Variants in PCDHA3 observed in about 807,000 individuals in gnomAD.
PCDHA3 encodes the protein protocadherin alpha 3.
PCDHA3 carries 41 observed loss-of-function variants against 62.2 expected under a neutral mutation model. The observed-to-expected ratio is 0.66, with a 90% CI of 0.51 to 0.86. The LOEUF is 0.86. PCDHA3 is among the 40% of genes least tolerant of loss of function. The probability of loss-of-function intolerance (pLI) is 0.00; values close to 1 mark genes in which losing one functional copy is unlikely to be tolerated. For synonymous variants in PCDHA3, 640 were observed against 555.4 expected (o/e 1.15, Z -2.14); for missense variants, 1,304 against 1,241.2 (o/e 1.05, Z -0.76).
At position 140,824,323 on chromosome 5, in the gene PCDHA3, T is replaced by C. The variant is rs2150134104; in HGVS notation, c.2394+20732T>C. The C allele has an allele frequency of 4.3e-6, 3 of 698,316 alleles. No homozygotes were observed. In the African/African-American group the frequency reaches 5.4e-5, roughly 12 times the overall value. The allele number at this position is 698,316 out of a possible 1,614,324, so 43.3% of individuals were successfully genotyped here. Reference sequence around the variant, plus strand: ...TGGGGTAATAGATTCATCAGCTTTCTGTGATATTAAGTGTTTTTAAAATAA... The same window carrying C: ...TGGGGTAATAGATTCATCAGCTTTCCGTGATATTAAGTGTTTTTAAAATAA... On this transcript the variant is annotated intron_variant, in intron 1 of 3. Transcript: ENST00000522353.
At chr5:140,869,392 G>A in intron 1 of PCDHA3, 1 of 1,614,164 alleles carries the variant, frequency 6.2e-7, no homozygotes, top group Non-Finnish European at 8.5e-7. Context: ...GGAGCTGTGC[G>A]GGCAGAGCGC....
chr5:140,820,704 A>T (rs2150107710), intron 1 of PCDHA3, among the ~76,000 whole-genome samples: 1 of 152,108 alleles, frequency 6.6e-6, no homozygotes, highest in African/African-American at 2.4e-5. Context: ...TCTTTTCAAC[A>T]TGATTATATT....
intron 1 of PCDHA3, chr5:140,883,600 G>A (rs2059695358): frequency 6.2e-7 from 1 of 1,613,890 alleles, no homozygotes; most frequent in Non-Finnish European, 8.5e-7. Flanking sequence ...TGTCGGTGGG[G>A]GTGGCCGACG....
chr5:140,836,843 ATAAT>A, intron 1 of PCDHA3: 1 of 826,772 alleles, frequency 1.2e-6, no homozygotes, highest in Non-Finnish European at 1.8e-6. Context: ...AGCTTTATGT[ATAAT>A]TATTATTTTT....
chr5:140,909,620 A>C (rs576090849), intron 1 of PCDHA3, among the ~76,000 whole-genome samples: 1 of 152,122 alleles, frequency 6.6e-6, no homozygotes. Flanking sequence ...GGCAGCTCTA[A>C]TTGGTCTTCC....
intron 1 of PCDHA3, chr5:140,857,181 C>CAGG (rs782645351): frequency 1.3e-6 from 2 of 1,598,372 alleles, no homozygotes; most frequent in African/African-American, 2.7e-5. Context: ...GACCATGATT[C>CAGG]AGGAGCCAAC....
intron 1 of PCDHA3, among the ~76,000 whole-genome samples, chr5:140,917,793 G>A (rs1405580492): frequency 6.6e-6 from 1 of 152,082 alleles, no homozygotes; most frequent in African/African-American, 2.4e-5. Flanking sequence ...TTTGGTTACT[G>A]TAGCCTTGCA....
chr5:140,951,840 C>T (rs555935634), intron 1 of PCDHA3, among the ~76,000 whole-genome samples: 2 of 152,190 alleles, frequency 1.3e-5, no homozygotes, highest in African/African-American at 4.8e-5. Flanking sequence ...AGCATTAAGC[C>T]AAAAGTCCAA....
chr5:140,965,168 T>C (rs1484687706), intron 1 of PCDHA3, among the ~76,000 whole-genome samples: 1 of 152,180 alleles, frequency 6.6e-6, no homozygotes, highest in Non-Finnish European at 1.5e-5. Context: ...GACGTTTTAG[T>C]GAGTGCTTTT....
intron 1 of PCDHA3, among the ~76,000 whole-genome samples, chr5:140,914,207 A>C (rs1485868934): frequency 6.6e-6 from 1 of 152,060 alleles, no homozygotes; most frequent in Admixed American, 6.6e-5. Context: ...TGTGATCTCT[A>C]TCTCTCTTTT....
intron 1 of PCDHA3, among the ~76,000 whole-genome samples, chr5:140,922,088 T>C (rs1361534405): frequency 6.6e-6 from 1 of 152,184 alleles, no homozygotes; most frequent in Non-Finnish European, 1.5e-5. Context: ...AAGTGGTATT[T>C]CTACCAACTA....
At chr5:140,813,338 A>G (rs1554126171) in intron 1 of PCDHA3, 1 of 152,234 alleles carries the variant, frequency 6.6e-6, no homozygotes, top group Non-Finnish European at 1.5e-5. Context: ...ACATATTTAC[A>G]CAAACCTAGA....
chr5:140,821,896 G>C, intron 1 of PCDHA3: 5 of 1,614,236 alleles, frequency 3.1e-6, no homozygotes, highest in Non-Finnish European at 4.2e-6. Context: ...AGCCAAACAC[G>C]GAACCTTCGT....
rs200493520 is a variant in PCDHA3 at position 140,928,140 on chromosome 5, G to T, written c.2395-50809G>T. ...TCAGTGAATACCAAGTCCTGATCAC[G>T]GCCTCAGATAGTGGCTCACCCCCAC... On this transcript the variant is annotated intron_variant, in intron 1 of 3. Transcript: ENST00000522353. The T allele has an allele frequency of 2.5e-6, 4 of 1,614,154 alleles. No homozygotes were observed. In the East Asian group the frequency reaches 6.7e-5, roughly 27 times the overall value.
intron 1 of PCDHA3, among the ~76,000 whole-genome samples, chr5:140,891,886 G>A (rs1554184992): frequency 1.3e-5 from 2 of 152,186 alleles, no homozygotes; most frequent in East Asian, 1.9e-4. Context: ...GTCATGTGAC[G>A]ATGCAGCAAG....
chr5:140,842,552 A>T, intron 1 of PCDHA3: 1 of 1,596,224 alleles, frequency 6.3e-7, no homozygotes, highest in Non-Finnish European at 8.6e-7. Flanking sequence ...GGTGCTGGAC[A>T]GCGCCCTGGA....
intron 1 of PCDHA3, among the ~76,000 whole-genome samples, chr5:140,885,868 A>G (rs1347875524): frequency 6.6e-6 from 1 of 152,202 alleles, no homozygotes; most frequent in Admixed American, 6.5e-5. Context: ...TCTATTGAAA[A>G]AAAATTTTTA....
intron 3 of PCDHA3, among the ~76,000 whole-genome samples, chr5:141,006,502 C>T (rs987435396): frequency 1.8e-4 from 28 of 152,118 alleles, no homozygotes; most frequent in African/African-American, 2.9e-4. Context: ...TGTGAGCCAC[C>T]GCGCCTGGCT....
In PCDHA3 at chr5:140,836,004, G is replaced by T. The variant is rs1554135533; in HGVS notation, c.2394+32413G>T. On this transcript the variant is annotated intron_variant, in intron 1 of 3. Transcript: ENST00000522353. ...GTTCCAGGTGAGCGCGCGCGATGCG[G>T]GCGTGCCGCCTCTGGGCAGCAACGT... is the stretch of plus-strand genomic sequence containing the variant. 1.9e-6 allele frequency: 3 copies of T among 1,613,274 alleles called. No homozygotes were observed. The African/African-American group carries it at 4.0e-5, about 22-fold the overall frequency.
Sources: allele counts gnomAD v4.1 joint callset (sites outside exome capture counted in the v4.1 genomes callset), GRCh38; gene constraint gnomAD v4.1.1; transcripts MANE v1.5; gene names NCBI Gene and HGNC (gene_info 2026-07-23, HGNC 2026-07-21).